CHFR: variants seen among roughly 807,000 people sequenced by gnomAD.
CHFR encodes E3 ubiquitin-protein ligase CHFR.
In CHFR, 57 loss-of-function variants were observed where a neutral mutation model predicts 87.6. The observed-to-expected ratio is 0.65, with a 90% CI of 0.53 to 0.81. The LOEUF is 0.81. Among genes scored for constraint, CHFR ranks in the 30% least tolerant of loss-of-function variants. CHFR has a pLI of 0.00. For synonymous variants in CHFR, 381 were observed against 359.2 expected (o/e 1.06, Z -0.69); for missense variants, 797 against 865.8 (o/e 0.92, Z 1.00).
At chr12:132,859,366 TTC>T in intron 7 of CHFR, 139 bp from the exon 8 acceptor site, 1 of 864,714 alleles carries the variant, frequency 1.2e-6, no homozygotes, top group Non-Finnish European at 1.8e-6. Flanking sequence ...TCTTTTTTTT[TTC>T]GAGACAGAGT....
intron 6 of CHFR, among the ~76,000 whole-genome samples, 192 bp downstream of exon 6, chr12:132,869,427 G>A (rs1951434202): frequency 6.6e-6 from 1 of 152,074 alleles, no homozygotes; most frequent in Non-Finnish European, 1.5e-5. Context: ...AATGGTACTA[G>A]AGTCCCTGAT....
chr12:132,841,359 G>A lies in CHFR; in HGVS notation c.*195C>T, dbSNP rs769326943. On this transcript the variant is annotated 3_prime_UTR_variant, in exon 18 of 18. Coordinates refer to ENST00000450056, the MANE Select transcript of CHFR (RefSeq NM_001161346.2). ...AGCGCTCACCAGGAGGGCGGGCTGC[G>A]GCCCCCGGGGCTCTGGGGAGGGTCT... 18 of 573,836 alleles carry A rather than the reference G, an allele frequency of 3.1e-5. No individual in the cohort carries two copies. Among genetic ancestry groups the A allele is most frequent in the East Asian group, 1.4e-4 (5 of 34,736 alleles). The allele number at this position is 573,836 out of a possible 1,614,324, so 35.5% of individuals were successfully genotyped here.
Position 132,872,292 on chromosome 12 carries a change from C to T in CHFR, c.336G>A (p.Pro112=), listed in dbSNP as rs771143796. The change falls in exon 4 of 18, where the codon CCG becomes CCA. Residue 112 remains proline, a synonymous_variant. Coordinates refer to ENST00000450056, the MANE Select transcript of CHFR (RefSeq NM_001161346.2). ...AGCCTTCCTCTCTCTTACTGTGTTC[C>T]GGTTCATTCTTCCTGTACACCAAGT... ...VIYLVYRKNE[P]EHNVAYLYES... The T allele has an allele frequency of 1.2e-5, 19 of 1,605,310 alleles. No homozygotes were observed. Among genetic ancestry groups the T allele is most frequent in the African/African-American group, 8.0e-5 (6 of 74,730 alleles).
At chr12:132,867,704 C>G (rs1019275556) in intron 6 of CHFR, 4 of 152,138 alleles carry the variant, frequency 2.6e-5, no homozygotes, top group African/African-American at 9.7e-5. Context: ...TCATAGGAAT[C>G]TGCAGACTGC....
chr12:132,847,359 A>T, intron 14 of CHFR: 2 of 1,208,222 alleles, frequency 1.7e-6, no homozygotes, highest in South Asian at 2.1e-5. Flanking sequence ...CAGTTACCAG[A>T]GTCTCTCAAA....
At position 132,838,441 on chromosome 12, in the gene CHFR, C is replaced by G. The variant is rs1950664182; in HGVS notation, c.*3113G>C. The G allele has an allele frequency of 6.6e-6, 1 of 152,328 alleles. No homozygotes were observed. Among genetic ancestry groups the G allele is most frequent in the Non-Finnish European group, 1.5e-5 (1 of 68,122 alleles). The allele number at this position is 152,328 out of a possible 1,614,324, so 9.4% of individuals were successfully genotyped here. A position where few individuals can be genotyped will look rare whatever the true frequency, so the allele number is the denominator to read the frequency against. On this transcript the variant is annotated 3_prime_UTR_variant, in exon 18 of 18. Coordinates refer to ENST00000450056, the MANE Select transcript of CHFR (RefSeq NM_001161346.2). ...GGGTTCACCTAGAACCTGAGGCCCC[C>G]TTCCCTGGCTTGGAGCCTGGGCAGC...
At position 132,841,584 on chromosome 12, in the gene CHFR, A is replaced by G. The variant is rs772496941; in HGVS notation, c.1929T>C (p.His643=). 8.1e-6 allele frequency: 13 copies of G among 1,613,944 alleles called. No homozygotes were observed. The highest frequency in any genetic ancestry group is 1.0e-5 in the Non-Finnish European group (12 of 1,179,810). ...VKAHHAMKFN[H]ICEQTRFKN ...TTTTGAACCTTGTCTGTTCACAGAT[A>G]TGATTGAATTTCCTGCAGGGAGAAA... The change falls in exon 18 of 18, where the codon CAT becomes CAC. Residue 643 remains histidine (H), a synonymous_variant. Coordinates refer to ENST00000450056, the MANE Select transcript of CHFR (RefSeq NM_001161346.2).
At position 132,887,186 on chromosome 12, in the gene CHFR, A is replaced by G; in HGVS notation, c.133+10T>C. The G allele has an allele frequency of 1.4e-6, 2 of 1,479,016 alleles. No individual in the cohort carries two copies. Among genetic ancestry groups the G allele is most frequent in the South Asian group, 1.3e-5 (1 of 79,202 alleles). The allele number at this position is 1,479,016 out of a possible 1,614,324, so 91.6% of individuals were successfully genotyped here. A position where few individuals can be genotyped will look rare whatever the true frequency, so the allele number is the denominator to read the frequency against. On this transcript the variant is annotated intron_variant, in intron 2 of 17. Coordinates refer to ENST00000450056, the MANE Select transcript of CHFR (RefSeq NM_001161346.2). Reference sequence around the variant, plus strand: ...GGCCCCGGCCCCCGGCCCCGGCCTCAGCCCCGCACCTCGTCTCCGCCCGAT... The same window carrying G: ...GGCCCCGGCCCCCGGCCCCGGCCTCGGCCCCGCACCTCGTCTCCGCCCGAT...
chr12:132,867,531 G>A (rs544865208), intron 6 of CHFR: 5 of 152,244 alleles, frequency 3.3e-5, no homozygotes, highest in South Asian at 2.1e-4. Flanking sequence ...GTGAAACCTC[G>A]AGGCAAAAAC....
At chr12:132,846,534 T>TG (rs2136927324) in intron 15 of CHFR, among the ~76,000 whole-genome samples, 1 of 147,462 alleles carries the variant, frequency 6.8e-6, no homozygotes, top group African/African-American at 2.4e-5. Flanking sequence ...CCTCCCAAAG[T>TG]GCTGGGATTA....
chr12:132,887,446 G>C (rs1448728452), intron 1 of CHFR, 101 bp downstream of exon 1: 2 of 847,862 alleles, frequency 2.4e-6, no homozygotes, highest in Non-Finnish European at 1.4e-6. Context: ...CGCCCACGCA[G>C]CCCCGCAGCC....
At chr12:132,872,495 T>C in intron 3 of CHFR, 101 bp from the exon 4 acceptor site, 1 of 720,826 alleles carries the variant, frequency 1.4e-6, no homozygotes, top group Non-Finnish European at 2.5e-6. Context: ...ATGACCACTC[T>C]GGAAATACTC....
rs373669694 is a variant in CHFR, at chr12:132,852,147, A to AT, written c.1373-411dup. 8.0e-3 allele frequency among the ~76,000 whole-genome samples: 1,149 copies of AT among 143,502 alleles called. 21 individuals carry two copies. The highest frequency in any genetic ancestry group is 0.025 in the African/African-American group (985 of 39,346). The allele number at this position is 143,502 out of a possible 152,430, so 94.1% of individuals were successfully genotyped here. On this transcript the variant is annotated intron_variant, in intron 11 of 17. Coordinates refer to ENST00000450056, the MANE Select transcript of CHFR (RefSeq NM_001161346.2). ...TACAGGTGCCTGCCACGCCTGGCTA[A>AT]TTTTTTTTTTTTTTGTATTTTTAGT...
In CHFR at chr12:132,835,675, A is replaced by T. The variant is rs576880296; in HGVS notation, c.*5879T>A. 1 of 225,544 alleles carries T rather than the reference A, an allele frequency of 4.4e-6. No individual in the cohort carries two copies. Among genetic ancestry groups the T allele is most frequent in the East Asian group, 1.7e-4 (1 of 5,982 alleles). 14.0% of individuals were successfully genotyped at this position (225,544 alleles called of 1,614,324 possible). ...CCCTGATCTCAGAGTTCCAGGCCCC[A>T]GAACTGTGAGAAAATACTTTCTGTT... On this transcript the variant is annotated 3_prime_UTR_variant, in exon 18 of 18. Transcript: ENST00000450056.
At chr12:132,844,220 T>G in intron 15 of CHFR, 86 bp from the exon 16 acceptor site, 2 of 803,170 alleles carry the variant, frequency 2.5e-6, no homozygotes, top group South Asian at 1.4e-5. Flanking sequence ...ACTAACGCAC[T>G]GACCATAAAT....
chr12:132,871,128 C>G (rs546878701), intron 4 of CHFR, among the ~76,000 whole-genome samples: 4 of 152,356 alleles, frequency 2.6e-5, no homozygotes, highest in Admixed American at 6.5e-5. Context: ...CATATTTGCC[C>G]CATTCTCCCT....
chr12:132,874,235 A>ATG (rs1951562615), intron 3 of CHFR, among the ~76,000 whole-genome samples: 1 of 152,290 alleles, frequency 6.6e-6, no homozygotes, highest in African/African-American at 2.4e-5. Context: ...TACAATAGCC[A>ATG]TAAGAAAGTA....
intron 14 of CHFR, chr12:132,847,849 G>C (rs1950860856): frequency 7.3e-7 from 1 of 1,368,442 alleles, no homozygotes; most frequent in African/African-American, 1.5e-5. Flanking sequence ...CCTACGAATT[G>C]GTGGCAGGAG....
intron 2 of CHFR, among the ~76,000 whole-genome samples, chr12:132,886,985 TA>T (rs1418433151): frequency 6.6e-6 from 1 of 152,256 alleles, no homozygotes; most frequent in African/African-American, 2.4e-5. Flanking sequence ...TGAACACAAC[TA>T]ACTTATACAG....
Sources: allele counts gnomAD v4.1 joint callset (sites outside exome capture counted in the v4.1 genomes callset), GRCh38; gene constraint gnomAD v4.1.1; transcripts MANE v1.5; gene names NCBI Gene and HGNC (gene_info 2026-07-23, HGNC 2026-07-21).